The following MAGI1 variants were observed in gnomAD, a reference collection of about 807,000 sequenced individuals.
MAGI1 encodes membrane-associated guanylate kinase, WW and PDZ domain-containing protein 1.
MAGI1 carries 58 observed loss-of-function variants against 139.9 expected under a neutral mutation model. That is an observed-to-expected ratio of 0.41 (90% CI 0.34 to 0.52). MAGI1 has a LOEUF of 0.52. Ranked by LOEUF, MAGI1 falls within the 20% of genes least tolerant of loss-of-function variation. The pLI is 0.12. For missense variants in MAGI1, 1,874 were observed against 1,901.6 expected, an observed-to-expected ratio of 0.99 and a Z score of 0.27; for synonymous variants, 812 against 737.9, an observed-to-expected ratio of 1.10 and a Z score of -1.63.
At position 65,448,037 on chromosome 3, in the gene MAGI1, G is replaced by C. The variant is rs746716247; in HGVS notation, c.1063C>G (p.Leu355Val). 6.2e-7 allele frequency: 1 copy of C among 1,613,966 alleles called. No homozygotes were observed. Among genetic ancestry groups the C allele is most frequent in the African/African-American group, 1.3e-5 (1 of 74,904 alleles). Reference protein sequence around the residue: ...EDDEGVHTEELDSELELPAGW... With the variant: ...EDDEGVHTEEVDSELELPAGW... ...GAGGGTTTACCTAGTTCACTGTCCA[G>C]CTCCTCGGTGTGTACCCCTTCTTCT... Residue 355 changes from leucine to valine, a missense_variant, in exon 7 of 23, where the codon CTG becomes GTG. This residue lies in a region of MAGI1 where 648 missense variants were observed against 598.1 expected (regional missense o/e 1.08). Transcript: ENST00000402939.
At chr3:65,707,841 C>G (rs1158726444) in intron 1 of MAGI1, among the ~76,000 whole-genome samples, 1 of 152,142 alleles carries the variant, frequency 6.6e-6, no homozygotes, top group East Asian at 1.9e-4. Flanking sequence ...ATATTGATAG[C>G]TGAACCAGAG....
chr3:65,790,448 A>G (rs762757862), intron 1 of MAGI1, among the ~76,000 whole-genome samples: 3 of 152,198 alleles, frequency 2.0e-5, no homozygotes, highest in Non-Finnish European at 4.4e-5. Context: ...CAAGTTTTTA[A>G]TCCAACCCCT....
chr3:65,834,115 C>G (rs570085796), intron 1 of MAGI1, among the ~76,000 whole-genome samples: 40 of 152,086 alleles, frequency 2.6e-4, no homozygotes, highest in Non-Finnish European at 5.3e-4. Flanking sequence ...AGATAAACAA[C>G]AAAGGTAACT....
chr3:65,363,357 G>C, intron 21 of MAGI1, 108 bp downstream of exon 21: 1 of 1,298,822 alleles, frequency 7.7e-7, no homozygotes, highest in Non-Finnish European at 1.0e-6. Flanking sequence ...AATCATGAAA[G>C]CTATAGAAAA....
chr3:65,722,196 T>C (rs1329663624), intron 1 of MAGI1, among the ~76,000 whole-genome samples: 7 of 152,212 alleles, frequency 4.6e-5, no homozygotes, highest in Non-Finnish European at 1.0e-4. Flanking sequence ...ATCAGGAAAC[T>C]AAACTTAGTA....
intron 1 of MAGI1, among the ~76,000 whole-genome samples, chr3:65,816,001 A>G (rs1480652215): frequency 1.3e-5 from 2 of 152,212 alleles, no homozygotes. Flanking sequence ...TGATTTGTAT[A>G]TTAAAAAATA....
chr3:65,734,565 G>T (rs1261538311), intron 1 of MAGI1, among the ~76,000 whole-genome samples: 1 of 131,510 alleles, frequency 7.6e-6, no homozygotes, highest in Non-Finnish European at 1.6e-5. Context: ...AAGAAAGAGA[G>T]AGAGGGAGAG....
chr3:65,642,402 C>T (rs550670863), intron 1 of MAGI1, among the ~76,000 whole-genome samples: 1 of 152,284 alleles, frequency 6.6e-6, no homozygotes, highest in Non-Finnish European at 1.5e-5. Flanking sequence ...ATCCGGAAGA[C>T]TCGAAGGGAA....
At chr3:65,944,566 G>A (rs1343380606) in intron 1 of MAGI1, among the ~76,000 whole-genome samples, 3 of 152,154 alleles carry the variant, frequency 2.0e-5, no homozygotes, top group East Asian at 3.9e-4. Context: ...GCTTTCCAAT[G>A]CCTTTTTTTG....
Position 65,957,232 on chromosome 3 carries a change from G to C in MAGI1, c.313+80764C>G, listed in dbSNP as rs181989806. 1.4e-3 allele frequency among the ~76,000 whole-genome samples: 217 copies of C among 151,902 alleles called. 3 individuals are homozygous for C. The highest frequency in any genetic ancestry group is 5.6e-3 in the South Asian group (27 of 4,786). On this transcript the variant is annotated intron_variant, in intron 1 of 22. Transcript: ENST00000402939. Reference sequence around the variant, plus strand: ...TATAGTATTATACAGAAGTCAAAATGGGCTGGGCACACTAGCTCACATCTA... The same window carrying C: ...TATAGTATTATACAGAAGTCAAAATCGGCTGGGCACACTAGCTCACATCTA...
At chr3:65,484,073 C>T (rs11717635) in intron 3 of MAGI1, among the ~76,000 whole-genome samples, 2,733 of 152,212 alleles carry the variant, frequency 0.018, 42 homozygotes, top group Non-Finnish European at 0.029. Context: ...GACTGAAACA[C>T]GATCTTCACA....
At chr3:65,754,579 C>CA (rs2036413411) in intron 1 of MAGI1, among the ~76,000 whole-genome samples, 1 of 152,200 alleles carries the variant, frequency 6.6e-6, no homozygotes, top group South Asian at 2.1e-4. Flanking sequence ...CTGCCACTTT[C>CA]AAAGGCAATG....
At chr3:65,864,268 T>C (rs149414023) in intron 1 of MAGI1, among the ~76,000 whole-genome samples, 122 of 152,328 alleles carry the variant, frequency 8.0e-4, no homozygotes, top group African/African-American at 2.8e-3. Flanking sequence ...GGAAGATTCT[T>C]CACCAAAAGC....
chr3:65,528,679 T>C (rs1301770741), intron 2 of MAGI1, among the ~76,000 whole-genome samples: 3 of 152,162 alleles, frequency 2.0e-5, no homozygotes, highest in Non-Finnish European at 4.4e-5. Flanking sequence ...GCTCAGCAAA[T>C]GTCAACTCCC....
chr3:65,696,468 G>C (rs555950208), intron 1 of MAGI1, among the ~76,000 whole-genome samples: 1 of 152,092 alleles, frequency 6.6e-6, no homozygotes, highest in Admixed American at 6.5e-5. Flanking sequence ...TAGAACAGTA[G>C]TTGATACATA....
intron 1 of MAGI1, among the ~76,000 whole-genome samples, chr3:65,845,615 A>G (rs191210282): frequency 4.6e-5 from 7 of 152,294 alleles, no homozygotes; most frequent in African/African-American, 1.7e-4. Flanking sequence ...ACACCTCAAC[A>G]TATTTCTACC....
intron 10 of MAGI1, among the ~76,000 whole-genome samples, chr3:65,433,345 A>G (rs1472410850): frequency 6.6e-6 from 1 of 152,196 alleles, no homozygotes; most frequent in Non-Finnish European, 1.5e-5. Context: ...ATACATTAGC[A>G]TATTTTGTGC....
At chr3:65,720,985 G>T (rs780402229) in intron 1 of MAGI1, among the ~76,000 whole-genome samples, 2 of 151,906 alleles carry the variant, frequency 1.3e-5, no homozygotes, top group Non-Finnish European at 2.9e-5. Flanking sequence ...CAAGCAATCT[G>T]CCCACCTCAG....
chr3:65,712,607 G>C (rs1452392345), intron 1 of MAGI1, among the ~76,000 whole-genome samples: 1 of 152,044 alleles, frequency 6.6e-6, no homozygotes, highest in African/African-American at 2.4e-5. Context: ...CTGCCCCCAA[G>C]TTGAAACAAG....
Sources: gnomAD v4.1 joint callset for allele counts (sites outside exome capture counted in the v4.1 genomes callset) on GRCh38, gnomAD v4.1.1 for gene constraint, gnomAD v4.1.1 regional missense constraint, MANE v1.5 for transcripts, NCBI Gene and HGNC (gene_info 2026-07-23, HGNC 2026-07-21) for gene names.